Variants in UBR3 observed in about 807,000 individuals in gnomAD.
UBR3 encodes the protein E3 ubiquitin-protein ligase UBR3.
A neutral mutation model predicts 243.2 loss-of-function variants in UBR3; 85 were observed. That is an observed-to-expected ratio of 0.35 (90% CI 0.29 to 0.42). The LOEUF (loss-of-function observed/expected upper bound fraction) is 0.42. Among genes scored for constraint, UBR3 ranks in the 10% least tolerant of loss-of-function variants. The pLI, the probability that UBR3 is intolerant of heterozygous loss-of-function variation, is 1.00. For synonymous variants in UBR3, 748 were observed against 799.8 expected (o/e 0.94, Z 1.09); for missense variants, 1,686 against 2,300.8 (o/e 0.73, Z 5.47).
chr2:170,044,923 G>C (rs2091047816), intron 32 of UBR3, among the ~76,000 whole-genome samples: 1 of 152,086 alleles, frequency 6.6e-6, no homozygotes, highest in South Asian at 2.1e-4. Context: ...TATCTCCTTA[G>C]ATGATTCACA....
chr2:170,019,890 C>G (rs941716155), intron 30 of UBR3, among the ~76,000 whole-genome samples: 1 of 152,098 alleles, frequency 6.6e-6, no homozygotes, highest in African/African-American at 2.4e-5. Context: ...TTCCTTCCAC[C>G]TCAGCCTCCC....
intron 1 of UBR3, among the ~76,000 whole-genome samples, chr2:169,843,958 TG>T (rs1559010034): frequency 6.6e-6 from 1 of 152,180 alleles, no homozygotes; most frequent in Non-Finnish European, 1.5e-5. Context: ...CTGTAACATT[TG>T]TTGAATAAGG....
intron 1 of UBR3, among the ~76,000 whole-genome samples, chr2:169,838,691 T>A (rs912480281): frequency 2.6e-5 from 4 of 152,188 alleles, no homozygotes; most frequent in Non-Finnish European, 5.9e-5. Flanking sequence ...TTATGTCCTT[T>A]TCACATACAA....
intron 21 of UBR3, 45 bp downstream of exon 21, chr2:169,946,437 A>G: frequency 9.0e-7 from 1 of 1,112,426 alleles, no homozygotes; most frequent in South Asian, 1.7e-5. Flanking sequence ...GGCAGCCCCT[A>G]TCTGGCTCCA....
intron 1 of UBR3, among the ~76,000 whole-genome samples, chr2:169,852,688 C>CA (rs34608160): frequency 0.25 from 24,662 of 99,290 alleles, 2,409 homozygotes; most frequent in East Asian, 0.43. Flanking sequence ...ACTAAAAATA[C>CA]AAAAAAAAAA....
rs780672678 is a variant in UBR3, at chr2:170,080,691, T to TATTAG, written c.5549+7_5549+8insATTAG. 1 of 1,613,312 alleles carries TATTAG rather than the reference T, an allele frequency of 6.2e-7. No individual in the cohort carries two copies. The highest frequency in any genetic ancestry group is 1.3e-5 in the African/African-American group (1 of 74,914). On this transcript the variant is annotated splice_region_variant and intron_variant, in intron 38 of 38. Coordinates refer to ENST00000272793, the MANE Select transcript of UBR3 (RefSeq NM_172070.4). Reference sequence around the variant, plus strand: ...AGGAAGACCGGGATCTTAGGTTAGATGTTCATGGATATATCCAGGTGTTTT... The same window carrying TATTAG: ...AGGAAGACCGGGATCTTAGGTTAGATATTAGGTTCATGGATATATCCAGGTGTTTT...
At chr2:170,000,343 C>T (rs138718247) in intron 26 of UBR3, among the ~76,000 whole-genome samples, 283 of 152,180 alleles carry the variant, frequency 1.9e-3, no homozygotes, top group African/African-American at 6.3e-3. Flanking sequence ...GTTAAGGAGA[C>T]GAGTTAAGAA....
intron 27 of UBR3, among the ~76,000 whole-genome samples, chr2:170,006,492 A>G (rs1039524057): frequency 2.0e-5 from 3 of 152,190 alleles, no homozygotes; most frequent in African/African-American, 4.8e-5. Flanking sequence ...CAGTTGTCCA[A>G]TCAGTTGTAT....
chr2:169,835,993 GTCTCTCTCTCTC>G (rs577838877), intron 1 of UBR3, among the ~76,000 whole-genome samples: 2,648 of 30,304 alleles, frequency 0.087, 92 homozygotes, highest in Admixed American at 0.13. Context: ...TGTGTGCACT[GTCTCTCTCTCTC>G]TCTCTCTCTC....
At chr2:169,965,922 AAGC>A (rs1344606526) in intron 24 of UBR3, among the ~76,000 whole-genome samples, 2 of 152,162 alleles carry the variant, frequency 1.3e-5, no homozygotes, top group Non-Finnish European at 2.9e-5. Context: ...TCTAATGTAG[AAGC>A]ATAACATACA....
intron 1 of UBR3, among the ~76,000 whole-genome samples, chr2:169,831,402 G>A (rs370281538): frequency 6.7e-6 from 1 of 149,912 alleles, no homozygotes; most frequent in African/African-American, 2.5e-5. Context: ...CACCCGCCTC[G>A]GCCTCCCAAA....
intron 36 of UBR3, chr2:170,077,138 C>A: frequency 1.9e-6 from 1 of 518,548 alleles, no homozygotes; most frequent in South Asian, 1.7e-5. Flanking sequence ...ACATGTAAGG[C>A]TGTTTGGTAG....
At chr2:169,940,168 C>G (rs1403647609) in intron 19 of UBR3, among the ~76,000 whole-genome samples, 2 of 152,206 alleles carry the variant, frequency 1.3e-5, no homozygotes, top group South Asian at 4.1e-4. Flanking sequence ...GGGAACATTA[C>G]AGTTCTTCTA....
chr2:169,852,866 A>AC (rs1303267771), intron 1 of UBR3, among the ~76,000 whole-genome samples: 2 of 145,630 alleles, frequency 1.4e-5, no homozygotes, highest in East Asian at 2.0e-4. Context: ...AAAAAAAAAA[A>AC]AAAAAAAAAA....
chr2:169,919,986 T>G (rs78108937), intron 11 of UBR3, among the ~76,000 whole-genome samples: 1 of 152,216 alleles, frequency 6.6e-6, no homozygotes, highest in Non-Finnish European at 1.5e-5. Context: ...TTATAAATCA[T>G]GCCTCTATAA....
chr2:169,829,863 T>C (rs1215758468), intron 1 of UBR3, among the ~76,000 whole-genome samples: 1 of 151,344 alleles, frequency 6.6e-6, no homozygotes, highest in Non-Finnish European at 1.5e-5. Flanking sequence ...ACGGAAGTTT[T>C]TCTCACATCT....
intron 37 of UBR3, 82 bp downstream of exon 37, chr2:170,080,105 AACT>A: frequency 3.2e-6 from 4 of 1,255,626 alleles, no homozygotes; most frequent in Non-Finnish European, 4.5e-6. Context: ...TCTTCATATT[AACT>A]ACTCTTTGAA....
intron 27 of UBR3, among the ~76,000 whole-genome samples, chr2:170,002,730 C>A (rs2089758623): frequency 1.3e-5 from 2 of 152,192 alleles, no homozygotes; most frequent in African/African-American, 4.8e-5. Context: ...TCTTCTGCCC[C>A]TTCTCAGCTC....
chr2:170,072,283 GA>G (rs1302208935), intron 35 of UBR3, among the ~76,000 whole-genome samples: 1 of 152,114 alleles, frequency 6.6e-6, no homozygotes, highest in Non-Finnish European at 1.5e-5. Context: ...GGACATGGAT[GA>G]AATTGGAAAT....
Sources: allele counts gnomAD v4.1 joint callset (sites outside exome capture counted in the v4.1 genomes callset), GRCh38; gene constraint gnomAD v4.1.1; transcripts MANE v1.5; gene names NCBI Gene and HGNC (gene_info 2026-07-23, HGNC 2026-07-21).